Variants in KIF13B observed in about 807,000 individuals in gnomAD.
KIF13B encodes the protein kinesin family member 13B.
Under a neutral mutation model 222.0 loss-of-function variants are expected in KIF13B, and 127 were observed. That is an observed-to-expected ratio of 0.57 (90% CI 0.50 to 0.66). KIF13B has a LOEUF of 0.66. KIF13B is among the 30% of genes least tolerant of loss of function. KIF13B has a pLI of 0.00. For synonymous variants in KIF13B, 976 were observed against 919.0 expected (o/e 1.06, Z -1.12); for missense variants, 2,173 against 2,379.0 (o/e 0.91, Z 1.80).
intron 31 of KIF13B, among the ~76,000 whole-genome samples, chr8:29,113,854 A>C (rs186802307): frequency 6.6e-6 from 1 of 152,318 alleles, no homozygotes; most frequent in East Asian, 1.9e-4. Flanking sequence ...AATGCTACAG[A>C]AATATAAGCT....
At chr8:29,076,829 GC>G (rs1807583184) in intron 37 of KIF13B, among the ~76,000 whole-genome samples, 1 of 152,206 alleles carries the variant, frequency 6.6e-6, no homozygotes, top group African/African-American at 2.4e-5. Context: ...AAGGACTGGA[GC>G]CAGATGTGGT....
rs1249894225 is a variant in KIF13B, at chr8:29,167,485, C to T, written c.1046G>A (p.Arg349Gln). The T allele has an allele frequency of 8.7e-6, 14 of 1,613,838 alleles. No homozygotes were observed. Among genetic ancestry groups the T allele is most frequent in the South Asian group, 1.1e-5 (1 of 91,080 alleles). Residue 349 changes from arginine to glutamine, a missense_variant, in exon 11 of 40, where the codon CGA (arginine) becomes CAA (glutamine). Arg to Gln is a conservative substitution (Grantham distance 43, BLOSUM62 1). Transcript: ENST00000524189. The stretch of plus-strand genomic sequence containing the variant: ...AGCGTGGTTTACAATGTGCTTGGCT[C>T]GATCTGCATACCGCAGAGTTGAGAG... Reference protein sequence around the residue: ...ETLSTLRYADRAKHIVNHAVV... With the variant: ...ETLSTLRYADQAKHIVNHAVV...
At chr8:29,191,934 C>G (rs532281192) in intron 3 of KIF13B, among the ~76,000 whole-genome samples, 2 of 152,282 alleles carry the variant, frequency 1.3e-5, no homozygotes, top group African/African-American at 4.8e-5. Context: ...CACATTTTGT[C>G]ACATTCTCCC....
At chr8:29,261,870 G>A (rs1412617541) in intron 1 of KIF13B, among the ~76,000 whole-genome samples, 2 of 152,028 alleles carry the variant, frequency 1.3e-5, no homozygotes, top group East Asian at 3.8e-4. Flanking sequence ...ATGTCAACTG[G>A]TTGATCTGTA....
intron 13 of KIF13B, among the ~76,000 whole-genome samples, chr8:29,160,043 A>C (rs1811704668): frequency 6.6e-6 from 1 of 152,190 alleles, no homozygotes; most frequent in African/African-American, 2.4e-5. Flanking sequence ...TATGATAAGT[A>C]ATTTGTGCTC....
Position 29,130,538 on chromosome 8 carries a change from G to A in KIF13B, c.3070C>T (p.Arg1024Trp), listed in dbSNP as rs781387599. ...DVPTGGIFQL[R>W]QGQSRRVQVE... Reference sequence around the variant, plus strand: ...AACATTCACAATCTTGTTACCTGCCGGAGCTGGAAGATTCCTCCTGTTGGG... The same window carrying A: ...AACATTCACAATCTTGTTACCTGCCAGAGCTGGAAGATTCCTCCTGTTGGG... Residue 1024 changes from arginine (R) to tryptophan (W), a missense_variant, in exon 24 of 40, where the codon CGG (arginine) becomes TGG (tryptophan). Physicochemically the swap from Arg to Trp is moderately radical, Grantham distance 101. Coordinates refer to ENST00000524189, the MANE Select transcript of KIF13B (RefSeq NM_015254.4). The A allele has an allele frequency of 1.2e-5, 19 of 1,613,592 alleles. No individual in the cohort carries two copies. Among genetic ancestry groups the A allele is most frequent in the African/African-American group, 2.7e-5 (2 of 74,900 alleles).
intron 36 of KIF13B, among the ~76,000 whole-genome samples, chr8:29,096,173 G>C (rs1291006671): frequency 2.0e-5 from 3 of 151,680 alleles, no homozygotes; most frequent in Non-Finnish European, 4.4e-5. Context: ...GTAGAGACAG[G>C]GGTTTCCCCA....
chr8:29,179,997 C>G (rs1307450429), intron 8 of KIF13B, 107 bp downstream of exon 8: 3 of 1,270,264 alleles, frequency 2.4e-6, no homozygotes, highest in Non-Finnish European at 3.3e-6. Context: ...CTCATTGATA[C>G]ACAAGTCTAG....
intron 18 of KIF13B, among the ~76,000 whole-genome samples, chr8:29,145,029 T>G (rs1810996526): frequency 6.6e-6 from 1 of 152,152 alleles, no homozygotes; most frequent in Middle Eastern, 3.2e-3. Flanking sequence ...CACTATAAAA[T>G]CAAAGAGGAT....
chr8:29,123,259 C>T, intron 28 of KIF13B, 107 bp downstream of exon 28: 1 of 1,217,776 alleles, frequency 8.2e-7, no homozygotes, highest in South Asian at 1.6e-5. Context: ...ACATTTCCCC[C>T]CATGCTATTG....
At chr8:29,211,558 C>G (rs1367185983) in intron 2 of KIF13B, among the ~76,000 whole-genome samples, 1 of 152,190 alleles carries the variant, frequency 6.6e-6, no homozygotes, top group African/African-American at 2.4e-5. Flanking sequence ...AGGGAGAACT[C>G]CAGGAATCTG....
intron 12 of KIF13B, among the ~76,000 whole-genome samples, chr8:29,161,108 T>C (rs545181610): frequency 6.6e-6 from 1 of 152,368 alleles, no homozygotes; most frequent in East Asian, 1.9e-4. Flanking sequence ...GTACTAGTGA[T>C]TCTCAGTTTT....
intron 2 of KIF13B, among the ~76,000 whole-genome samples, 161 bp from the exon 3 acceptor site, chr8:29,196,360 G>T (rs1463112710): frequency 2.0e-5 from 3 of 152,054 alleles, no homozygotes; most frequent in African/African-American, 7.2e-5. Context: ...ATAGTAATTT[G>T]AAGGATAAAT....
At chr8:29,188,185 G>C (rs776015817) in intron 5 of KIF13B, among the ~76,000 whole-genome samples, 7 of 151,538 alleles carry the variant, frequency 4.6e-5, no homozygotes, top group Non-Finnish European at 7.4e-5. Flanking sequence ...GTTCTTTTTG[G>C]TATTTTATCT....
intron 2 of KIF13B, among the ~76,000 whole-genome samples, chr8:29,214,530 G>A (rs1334847622): frequency 1.3e-5 from 2 of 152,198 alleles, no homozygotes; most frequent in Non-Finnish European, 2.9e-5. Flanking sequence ...GTCATCTCCT[G>A]TGATAACAGT....
intron 37 of KIF13B, among the ~76,000 whole-genome samples, chr8:29,087,244 T>C (rs1271093542): frequency 6.6e-6 from 1 of 152,264 alleles, no homozygotes; most frequent in African/African-American, 2.4e-5. Flanking sequence ...TGTGTTGGTC[T>C]GTCACTCTGC....
intron 4 of KIF13B, chr8:29,189,454 A>C (rs1813080155): frequency 6.6e-6 from 1 of 152,230 alleles, no homozygotes; most frequent in Non-Finnish European, 1.5e-5. Context: ...AGGCGACAAA[A>C]GCAGTAAGGA....
In KIF13B at chr8:29,209,885, CAAAA is replaced by C. The variant is rs11414197; in HGVS notation, c.150-13690_150-13687del. Among the ~76,000 whole-genome samples, 832 of 107,488 alleles carry C rather than the reference CAAAA, an allele frequency of 7.7e-3. 4 individuals carry two copies. Among genetic ancestry groups the C allele is most frequent in the Admixed American group, 0.012 (115 of 9,754 alleles). The allele number at this position is 107,488 out of a possible 152,430, so 70.5% of individuals were successfully genotyped here. On this transcript the variant is annotated intron_variant, in intron 2 of 39. Transcript: ENST00000524189. ...TGGGCAGTGAGACCCTACCTCTCCA[CAAAA>C]AAAAAAAAAAAAAAAATAGCTGGGT...
chr8:29,199,087 T>TTTTTTTTTTTTTTTTATTATACTCTAAG (rs1563781453), intron 2 of KIF13B, among the ~76,000 whole-genome samples: 1 of 151,710 alleles, frequency 6.6e-6, no homozygotes, highest in African/African-American at 2.4e-5. Context: ...ATAAAATTTT[T>TTTTTTTTTTTTTTTTATTATACTCTAAG]TAAAAAATAG....
Sources: allele counts gnomAD v4.1 joint callset (sites outside exome capture counted in the v4.1 genomes callset), GRCh38; gene constraint gnomAD v4.1.1; transcripts MANE v1.5; gene names NCBI Gene and HGNC (gene_info 2026-07-23, HGNC 2026-07-21).